PRIM2: variants seen among roughly 807,000 people sequenced by gnomAD.
PRIM2 encodes DNA primase large subunit.
PRIM2 carries 39 observed loss-of-function variants against 67.3 expected under a neutral mutation model. The ratio of observed to expected loss-of-function variants is 0.58; its 90% CI spans 0.45 to 0.76. The LOEUF (loss-of-function observed/expected upper bound fraction) is 0.76, where lower values mean the gene tolerates loss of function less well. PRIM2 is among the 30% of genes least tolerant of loss of function. The probability of loss-of-function intolerance (pLI) is 0.00; values close to 1 mark genes in which losing one functional copy is unlikely to be tolerated. For synonymous variants in PRIM2, 143 were observed against 198.7 expected (o/e 0.72, Z 2.36); for missense variants, 398 against 598.7 (o/e 0.66, Z 3.50).
At chr6:57,462,728 T>C (rs1203847121) in intron 7 of PRIM2, among the ~76,000 whole-genome samples, 1 of 152,224 alleles carries the variant, frequency 6.6e-6, no homozygotes, top group Non-Finnish European at 1.5e-5. Flanking sequence ...ATATGGCTAA[T>C]GTGCGAGAGT....
upstream of PRIM2, among the ~76,000 whole-genome samples, chr6:57,313,707 G>T (rs1284142205): frequency 6.6e-6 from 1 of 152,204 alleles, no homozygotes; most frequent in East Asian, 1.9e-4. Flanking sequence ...TATCTTGCTG[G>T]AAATACCTCA....
At chr6:57,454,529 G>T (rs569585452) in intron 7 of PRIM2, among the ~76,000 whole-genome samples, 1 of 152,180 alleles carries the variant, frequency 6.6e-6, no homozygotes, top group Non-Finnish European at 1.5e-5. Flanking sequence ...GAGTGTATGT[G>T]TCCAGGAATT....
At chr6:57,331,387 T>A (rs1336806903) in intron 5 of PRIM2, among the ~76,000 whole-genome samples, 3 of 152,106 alleles carry the variant, frequency 2.0e-5, no homozygotes, top group Non-Finnish European at 2.9e-5. Context: ...TTGTGATGTC[T>A]ATATCTGGTT....
At chr6:57,452,531 C>T (rs113439768) in intron 7 of PRIM2, among the ~76,000 whole-genome samples, 1 of 152,152 alleles carries the variant, frequency 6.6e-6, no homozygotes, top group Non-Finnish European at 1.5e-5. Context: ...TCTCTGATGG[C>T]CAGTGATGAT....
chr6:57,276,716 A>C, the PRIM2 span, among the ~76,000 whole-genome samples: 1 of 151,940 alleles, frequency 6.6e-6, no homozygotes, highest in Admixed American at 6.6e-5. Flanking sequence ...CAACATGGTG[A>C]AACCCATCTC....
At chr6:57,622,512 A>G (rs1776877845) in intron 12 of PRIM2, among the ~76,000 whole-genome samples, 1 of 152,192 alleles carries the variant, frequency 6.6e-6, no homozygotes, top group African/African-American at 2.4e-5. Flanking sequence ...AGTATACATA[A>G]GGCTATTCAT....
the PRIM2 span, among the ~76,000 whole-genome samples, chr6:57,241,688 ATT>A: frequency 8.4e-6 from 1 of 119,104 alleles, no homozygotes; most frequent in Non-Finnish European, 1.6e-5. Flanking sequence ...AGAACTATGT[ATT>A]TTTTTTTTTT....
At chr6:57,251,993 G>A in the PRIM2 span, among the ~76,000 whole-genome samples, 51 of 152,250 alleles carry the variant, frequency 3.3e-4, no homozygotes, top group African/African-American at 1.1e-3. Flanking sequence ...AACCTTGCTT[G>A]TACAGTTGCC....
intron 13 of PRIM2, among the ~76,000 whole-genome samples, chr6:57,634,460 G>T (rs1445590765): frequency 2.0e-5 from 3 of 152,194 alleles, no homozygotes; most frequent in African/African-American, 4.8e-5. Context: ...TAGGAATCTC[G>T]CCAGATAAGC....
At position 57,363,594 on chromosome 6, in the gene PRIM2, C is replaced by T. The variant is rs1769262915; in HGVS notation, c.460-16307C>T. ...ATCACTCTGCTGCCTTCTGGCTTCT[C>T]CTCTTGCTGTGGGGAAATCAGCTGT... On this transcript the variant is annotated intron_variant, in intron 5 of 13. Coordinates refer to ENST00000615550, the MANE Select transcript of PRIM2 (RefSeq NM_000947.5). Among the ~76,000 whole-genome samples the T allele has an allele frequency of 3.9e-5, 6 of 152,266 alleles. No homozygotes were observed. In the South Asian group the frequency reaches 6.2e-4, roughly 16 times the overall value.
intron 5 of PRIM2, among the ~76,000 whole-genome samples, chr6:57,342,855 T>G (rs1174960699): frequency 1.3e-5 from 2 of 152,242 alleles, no homozygotes; most frequent in African/African-American, 4.8e-5. Flanking sequence ...GAATTACTTC[T>G]GTTTATTTAA....
At chr6:57,258,715 G>C in the PRIM2 span, among the ~76,000 whole-genome samples, 1 of 152,058 alleles carries the variant, frequency 6.6e-6, no homozygotes, top group Non-Finnish European at 1.5e-5. Context: ...TCTATCCCCT[G>C]TTCTTTTTTC....
At chr6:57,608,758 G>A (rs1776606510) in intron 12 of PRIM2, among the ~76,000 whole-genome samples, 1 of 151,748 alleles carries the variant, frequency 6.6e-6, no homozygotes, top group Non-Finnish European at 1.5e-5. Flanking sequence ...ATGCTAGAGT[G>A]GTATTAGCTT....
At chr6:57,575,243 C>T (rs1198179494) in intron 10 of PRIM2, among the ~76,000 whole-genome samples, 1 of 152,212 alleles carries the variant, frequency 6.6e-6, no homozygotes, top group Non-Finnish European at 1.5e-5. Flanking sequence ...TTCTCTCTTT[C>T]TCACTGTCGA....
In PRIM2 at chr6:57,387,960, G is replaced by A. The variant is rs9370591; in HGVS notation, c.693+5792G>A. On this transcript the variant is annotated intron_variant, in intron 7 of 13. Coordinates refer to ENST00000615550, the MANE Select transcript of PRIM2 (RefSeq NM_000947.5). ...AAGGAGCCAGCTGAACAAATATAGAGGAAACTGCATTCCAGGCAGGAAAAG... is the reference window on the plus strand; with the variant it reads ...AAGGAGCCAGCTGAACAAATATAGAAGAAACTGCATTCCAGGCAGGAAAAG... Among the ~76,000 whole-genome samples, 4 of 151,632 alleles carry A rather than the reference G, an allele frequency of 2.6e-5. No homozygotes were observed. In the East Asian group the frequency reaches 7.7e-4, roughly 29 times the overall value.
At chr6:57,274,082 A>AC in the PRIM2 span, among the ~76,000 whole-genome samples, 1 of 152,214 alleles carries the variant, frequency 6.6e-6, no homozygotes, top group South Asian at 2.1e-4. Flanking sequence ...TCAGGGACCC[A>AC]CTTGAGGAGG....
At chr6:57,513,613 G>T (rs1260309542) in intron 8 of PRIM2, among the ~76,000 whole-genome samples, 1 of 152,168 alleles carries the variant, frequency 6.6e-6, no homozygotes, top group African/African-American at 2.4e-5. Context: ...GCTATTATTG[G>T]CTGGACGCGG....
chr6:57,454,578 G>A (rs7765006), intron 7 of PRIM2, among the ~76,000 whole-genome samples: 1 of 152,120 alleles, frequency 6.6e-6, no homozygotes, highest in African/African-American at 2.4e-5. Flanking sequence ...GAGTAGAGGT[G>A]ATTATAGTAT....
chr6:57,313,798 G>A (rs539534282), upstream of PRIM2, among the ~76,000 whole-genome samples: 21 of 152,236 alleles, frequency 1.4e-4, no homozygotes, highest in East Asian at 2.9e-3. Flanking sequence ...AGCTTACCAC[G>A]CCTTTGGTTT....
Sources: gnomAD v4.1 joint callset for allele counts (sites outside exome capture counted in the v4.1 genomes callset) on GRCh38, gnomAD v4.1.1 for gene constraint, MANE v1.5 for transcripts, NCBI Gene and HGNC (gene_info 2026-07-23, HGNC 2026-07-21) for gene names.